The following PLCB4 variants were observed in gnomAD, a reference collection of about 807,000 sequenced individuals.
The protein encoded by PLCB4 is phospholipase C beta 4.
PLCB4 carries 77 observed loss-of-function variants against 178.8 expected under a neutral mutation model. The observed-to-expected ratio is 0.43, with a 90% CI of 0.36 to 0.52. The LOEUF (loss-of-function observed/expected upper bound fraction) is 0.52. Among genes scored for constraint, PLCB4 ranks in the 20% least tolerant of loss-of-function variants. PLCB4 has a pLI of 0.00. For synonymous variants in PLCB4, 496 were observed against 490.8 expected (o/e 1.01, Z -0.14); for missense variants, 1,024 against 1,453.4 (o/e 0.70, Z 4.80).
Position 9,371,262 on chromosome 20 carries a change from A to G in PLCB4, c.552A>G (p.Gln184=), listed in dbSNP as rs2036230029. 2 of 1,609,838 alleles carry G rather than the reference A, an allele frequency of 1.2e-6. No homozygotes were observed. The highest frequency in any genetic ancestry group is 1.3e-5 in the African/African-American group (1 of 74,834). The change falls in exon 10 of 40, where the codon CAA becomes CAG. Residue 184 remains glutamine (Q), a synonymous_variant. Coordinates refer to ENST00000378473, the MANE Select transcript of PLCB4 (RefSeq NM_001377142.1). ...ASGKTEKVIF[Q]ALKELGLPSG... is the part of the protein sequence containing the mutation. ...GAAAAACAGAAAAGGTGATCTTTCA[A>G]GCACTCAAGGAGTTAGGTCTTCCCA...
At chr20:9,152,730 G>A (rs902163277) in intron 2 of PLCB4, among the ~76,000 whole-genome samples, 1 of 152,270 alleles carries the variant, frequency 6.6e-6, no homozygotes, top group African/African-American at 2.4e-5. Flanking sequence ...ACTGCCTAGT[G>A]GAGTTGTGGG....
chr20:9,371,185 A>G (rs759011290), intron 9 of PLCB4, 29 bp from the exon 10 acceptor site: 1 of 1,325,002 alleles, frequency 7.5e-7, no homozygotes, highest in African/African-American at 1.4e-5. Flanking sequence ...CAATAACTGG[A>G]ATGTGTGTTT....
Position 9,101,605 on chromosome 20 carries a change from G to A in PLCB4, c.-79+5263G>A, listed in dbSNP as rs73609411. On this transcript the variant is annotated intron_variant, in intron 2 of 39. Transcript: ENST00000378473. The stretch of plus-strand genomic sequence containing the variant: ...CATTACCCTTGTACACCCTCATTCA[G>A]CCACATAAATCTCATTATTTCTTTT... Among the ~76,000 whole-genome samples the A allele has an allele frequency of 4.2e-3, 632 of 152,152 alleles. 2 individuals carry two copies. The highest frequency in any genetic ancestry group is 0.014 in the African/African-American group (570 of 41,508).
chr20:9,201,779 A>G (rs1166681198), intron 2 of PLCB4, among the ~76,000 whole-genome samples: 2 of 152,180 alleles, frequency 1.3e-5, no homozygotes, highest in African/African-American at 2.4e-5. Flanking sequence ...ATTCCCATGC[A>G]TTGTTGGGAA....
chr20:9,136,428 C>T lies in PLCB4; in HGVS notation c.-79+40086C>T, dbSNP rs780060804. 2.0e-4 allele frequency among the ~76,000 whole-genome samples: 30 copies of T among 152,186 alleles called. 1 individual carries two copies. The highest frequency in any genetic ancestry group is 7.9e-4 in the Admixed American group (12 of 15,280). On this transcript the variant is annotated intron_variant, in intron 2 of 39. Transcript: ENST00000378473. ...TTGGAGACTGGGTAGAATATGCTTC[C>T]GAGTTGTCCCACAGGAAAGGCAGGC...
intron 2 of PLCB4, among the ~76,000 whole-genome samples, chr20:9,191,183 A>G (rs939435077): frequency 4.6e-5 from 7 of 152,132 alleles, no homozygotes; most frequent in Non-Finnish European, 8.8e-5. Flanking sequence ...AATAAATTAC[A>G]TGGAATATCA....
At chr20:9,301,611 G>A (rs768985150) in intron 3 of PLCB4, among the ~76,000 whole-genome samples, 1 of 152,096 alleles carries the variant, frequency 6.6e-6, no homozygotes, top group Non-Finnish European at 1.5e-5. Context: ...CCAACCGAAT[G>A]GATAGAAGGC....
chr20:9,429,553 A>C (rs1221044913), intron 28 of PLCB4, among the ~76,000 whole-genome samples: 1 of 152,240 alleles, frequency 6.6e-6, no homozygotes, highest in Non-Finnish European at 1.5e-5. Flanking sequence ...TTCTGGGCTG[A>C]GGCAAGGAAA....
intron 33 of PLCB4, among the ~76,000 whole-genome samples, chr20:9,456,624 T>G (rs2043074702): frequency 6.6e-6 from 1 of 152,194 alleles, no homozygotes; most frequent in South Asian, 2.1e-4. Context: ...ACGGGAATGT[T>G]TCGGCAGTGC....
At chr20:9,175,373 C>T (rs186239108) in intron 2 of PLCB4, among the ~76,000 whole-genome samples, 78 of 152,264 alleles carry the variant, frequency 5.1e-4, no homozygotes, top group Middle Eastern at 3.4e-3. Context: ...TTCCAATAAA[C>T]TACATTCTCC....
chr20:9,381,519 A>G (rs932275048), intron 13 of PLCB4, among the ~76,000 whole-genome samples: 1 of 152,220 alleles, frequency 6.6e-6, no homozygotes, highest in Admixed American at 6.5e-5. Context: ...AAGTGATTCA[A>G]CAATTCCTTG....
chr20:9,298,103 G>A (rs1247762248), intron 3 of PLCB4, among the ~76,000 whole-genome samples: 1 of 152,060 alleles, frequency 6.6e-6, no homozygotes, highest in African/African-American at 2.4e-5. Context: ...ACACCTTCAT[G>A]TGACAGGTGT....
At chr20:9,390,780 CAAAA>C (rs1342786472) in intron 17 of PLCB4, among the ~76,000 whole-genome samples, 165 bp downstream of exon 17, 3 of 152,164 alleles carry the variant, frequency 2.0e-5, no homozygotes. Flanking sequence ...TAAAGAGACA[CAAAA>C]TAAACATCTG....
chr20:9,255,705 G>T (rs2094227051), intron 3 of PLCB4, among the ~76,000 whole-genome samples: 1 of 152,020 alleles, frequency 6.6e-6, no homozygotes. Flanking sequence ...GCCAGATAGT[G>T]ATTATTTTAG....
chr20:9,375,807 G>A (rs2036620969), intron 12 of PLCB4, among the ~76,000 whole-genome samples: 1 of 152,062 alleles, frequency 6.6e-6, no homozygotes, highest in South Asian at 2.1e-4. Flanking sequence ...GTTCAGCAAG[G>A]TAACCAGAGA....
chr20:9,300,908 T>G (rs1446749567), intron 3 of PLCB4, among the ~76,000 whole-genome samples: 1 of 152,054 alleles, frequency 6.6e-6, no homozygotes, highest in Non-Finnish European at 1.5e-5. Flanking sequence ...CCAAAATTTA[T>G]TCTGTCACAG....
intron 36 of PLCB4, among the ~76,000 whole-genome samples, chr20:9,470,010 T>C (rs1408441892): frequency 6.6e-6 from 1 of 152,190 alleles, no homozygotes. Context: ...GAAGGTGGCC[T>C]TTTGGCCAAA....
At chr20:9,165,192 G>A (rs867458795) in intron 2 of PLCB4, among the ~76,000 whole-genome samples, 2 of 152,140 alleles carry the variant, frequency 1.3e-5, no homozygotes, top group Non-Finnish European at 2.9e-5. Context: ...CCAGCTTCTC[G>A]AGGGCACAAA....
intron 3 of PLCB4, among the ~76,000 whole-genome samples, chr20:9,259,670 C>T (rs572042866): frequency 6.6e-6 from 1 of 152,106 alleles, no homozygotes; most frequent in East Asian, 1.9e-4. Flanking sequence ...GAGGTTTGAG[C>T]ATATTATCTA....
Sources: gnomAD v4.1 joint callset for allele counts (sites outside exome capture counted in the v4.1 genomes callset) on GRCh38, gnomAD v4.1.1 for gene constraint, MANE v1.5 for transcripts, NCBI Gene and HGNC (gene_info 2026-07-23, HGNC 2026-07-21) for gene names.